The following CACNA2D1 variants were observed in gnomAD, a reference collection of about 807,000 sequenced individuals.
The protein encoded by CACNA2D1 is calcium voltage-gated channel auxiliary subunit alpha2delta 1.
In CACNA2D1, 53 loss-of-function variants were observed where a neutral mutation model predicts 171.5. That is an observed-to-expected ratio of 0.31 (90% CI 0.25 to 0.39). The LOEUF (loss-of-function observed/expected upper bound fraction) is 0.39, where lower values mean the gene tolerates loss of function less well. CACNA2D1 is among the 10% of genes least tolerant of loss of function. The pLI is 1.00. For missense variants in CACNA2D1, 903 were observed against 1,299.8 expected (o/e 0.69, Z 4.69); for synonymous variants, 442 against 443.1 (o/e 1.00, Z 0.03).
At chr7:82,393,178 G>A (rs1472881379) in intron 1 of CACNA2D1, among the ~76,000 whole-genome samples, 1 of 150,384 alleles carries the variant, frequency 6.6e-6, no homozygotes, top group Admixed American at 6.6e-5. Context: ...CGGGAGGGAG[G>A]GGCAATAACA....
intron 1 of CACNA2D1, among the ~76,000 whole-genome samples, chr7:82,439,397 T>A (rs1322001619): frequency 6.6e-6 from 1 of 151,944 alleles, no homozygotes; most frequent in Non-Finnish European, 1.5e-5. Context: ...CAGAAAGATG[T>A]CTACACAGTC....
chr7:82,109,951 T>A (rs184779450), intron 6 of CACNA2D1, among the ~76,000 whole-genome samples: 1 of 152,304 alleles, frequency 6.6e-6, no homozygotes, highest in Non-Finnish European at 1.5e-5. Flanking sequence ...TAAACCCTGA[T>A]GAAGTGAATG....
chr7:82,148,426 A>G (rs1454519142), intron 4 of CACNA2D1, among the ~76,000 whole-genome samples: 2 of 152,186 alleles, frequency 1.3e-5, no homozygotes, highest in Non-Finnish European at 2.9e-5. Flanking sequence ...GGAGAGAGCT[A>G]AAAGTGACAT....
At chr7:82,018,606 TA>T (rs557439131) in intron 12 of CACNA2D1, among the ~76,000 whole-genome samples, 4 of 151,958 alleles carry the variant, frequency 2.6e-5, no homozygotes, top group Non-Finnish European at 4.4e-5. Context: ...TCCTTGAAAA[TA>T]AAAAAAATTC....
intron 1 of CACNA2D1, among the ~76,000 whole-genome samples, chr7:82,395,476 G>A (rs1054042805): frequency 2.0e-5 from 3 of 152,170 alleles, no homozygotes; most frequent in Non-Finnish European, 2.9e-5. Flanking sequence ...TCAACGTAAT[G>A]TAGTTACATA....
intron 3 of CACNA2D1, among the ~76,000 whole-genome samples, chr7:82,279,318 G>A (rs1380657829): frequency 3.3e-5 from 5 of 152,074 alleles, no homozygotes; most frequent in Admixed American, 1.3e-4. Context: ...ATTTATTTAT[G>A]TATGTATTTA....
At position 82,074,124 on chromosome 7, in the gene CACNA2D1, T is replaced by A. The variant is rs1808670404; in HGVS notation, c.659-7600A>T. ...AGATTGAGTTAGAATCTTTGGATGG[T>A]CTGAATGTCATGGTAAGAGAGCCAG... On this transcript the variant is annotated intron_variant, in intron 7 of 38. Coordinates refer to ENST00000356860, the MANE Select transcript of CACNA2D1 (RefSeq NM_000722.4). 7.9e-5 allele frequency among the ~76,000 whole-genome samples: 12 copies of A among 152,356 alleles called. No homozygotes were observed. In the South Asian group the frequency reaches 2.5e-3, roughly 32 times the overall value.
rs545341543 is a variant in CACNA2D1 at position 82,157,049 on chromosome 7, C to T, written c.354+13501G>A. ...GGATACGGCTCCATGGCTCTCTCAG[C>T]CATAGCTATGAATTATGGTACAATT... On this transcript the variant is annotated intron_variant, in intron 4 of 38. Transcript: ENST00000356860. 3.9e-5 allele frequency among the ~76,000 whole-genome samples: 6 copies of T among 152,196 alleles called. No individual in the cohort carries two copies. In the South Asian group the frequency reaches 1.0e-3, roughly 26 times the overall value.
intron 3 of CACNA2D1, among the ~76,000 whole-genome samples, chr7:82,320,579 T>G (rs1330537457): frequency 2.6e-5 from 1 of 37,788 alleles, no homozygotes; most frequent in African/African-American, 8.6e-5. Context: ...ACTTGGCTAA[T>G]TTTTTTTTTT....
intron 38 of CACNA2D1, among the ~76,000 whole-genome samples, chr7:81,955,314 C>G (rs984035723): frequency 1.3e-5 from 2 of 152,084 alleles, no homozygotes; most frequent in African/African-American, 2.4e-5. Flanking sequence ...TAGTTTTAGC[C>G]AGACTACATT....
chr7:81,971,787 G>T lies in CACNA2D1; in HGVS notation c.2131C>A (p.Gln711Lys). Residue 711 changes from glutamine to lysine, a missense_variant, in exon 26 of 39, where the codon CAG (glutamine) becomes AAG (lysine). Gln to Lys is a moderately conservative substitution (Grantham distance 53). Coordinates refer to ENST00000356860, the MANE Select transcript of CACNA2D1 (RefSeq NM_000722.4). ...AGAACAAATACTTACATATTTTTCT[G>T]CTTACTCCAGTAATTTTGGACAAGT... ...NELVQNYWSK[Q>K]KNIKGVKARF... is the part of the protein sequence containing the mutation. The T allele has an allele frequency of 6.3e-7, 1 of 1,575,088 alleles. No individual in the cohort carries two copies. The highest frequency in any genetic ancestry group is 8.7e-7 in the Non-Finnish European group (1 of 1,145,510).
intron 5 of CACNA2D1, 70 bp from the exon 6 acceptor site, chr7:82,117,243 TACTTGCCAAATGCATA>T: frequency 2.1e-6 from 3 of 1,442,908 alleles, no homozygotes; most frequent in South Asian, 1.2e-5. Context: ...TGCACTTCTT[TACTTGCCAAATGCATA>T]TTTTTCAAAA....
chr7:82,261,143 C>T (rs893697988), intron 3 of CACNA2D1, among the ~76,000 whole-genome samples: 3 of 152,088 alleles, frequency 2.0e-5, no homozygotes, highest in Non-Finnish European at 4.4e-5. Context: ...TTAGTAGAGA[C>T]AGGGTTTTAC....
intron 1 of CACNA2D1, among the ~76,000 whole-genome samples, chr7:82,412,814 C>T (rs958826649): frequency 2.0e-5 from 3 of 151,794 alleles, no homozygotes; most frequent in Non-Finnish European, 4.4e-5. Flanking sequence ...TTCAAAAAGT[C>T]TATTTAGAGT....
chr7:82,275,674 G>A (rs1809224884), intron 3 of CACNA2D1, among the ~76,000 whole-genome samples: 1 of 152,034 alleles, frequency 6.6e-6, no homozygotes, highest in Non-Finnish European at 1.5e-5. Context: ...ATCCTGCCAA[G>A]CTGATTAAAG....
intron 3 of CACNA2D1, among the ~76,000 whole-genome samples, chr7:82,316,025 A>G (rs1815074530): frequency 1.3e-5 from 2 of 152,092 alleles, no homozygotes; most frequent in African/African-American, 4.8e-5. Flanking sequence ...AAAAAATTCA[A>G]CAAAAAAACC....
At chr7:82,303,362 A>G (rs1419237460) in intron 3 of CACNA2D1, among the ~76,000 whole-genome samples, 1 of 152,008 alleles carries the variant, frequency 6.6e-6, no homozygotes, top group Non-Finnish European at 1.5e-5. Flanking sequence ...TATTACTCAA[A>G]GCAAGTACAG....
chr7:82,064,413 G>A, intron 8 of CACNA2D1, 59 bp from the exon 9 acceptor site: 1 of 1,259,962 alleles, frequency 7.9e-7, no homozygotes, highest in East Asian at 2.3e-5. Context: ...ACTGATATTT[G>A]TTGAATTGAT....
At chr7:82,185,974 T>C (rs1313787118) in intron 3 of CACNA2D1, among the ~76,000 whole-genome samples, 1 of 151,820 alleles carries the variant, frequency 6.6e-6, no homozygotes, top group Non-Finnish European at 1.5e-5. Context: ...CTGACCAACA[T>C]GGTAAAACCC....
Sources: allele counts gnomAD v4.1 joint callset (sites outside exome capture counted in the v4.1 genomes callset), GRCh38; gene constraint gnomAD v4.1.1; transcripts MANE v1.5; gene names NCBI Gene and HGNC (gene_info 2026-07-23, HGNC 2026-07-21).